The following SEMA5B variants were observed in gnomAD, a reference collection of about 807,000 sequenced individuals.
SEMA5B encodes the protein semaphorin-5B.
A neutral mutation model predicts 135.0 loss-of-function variants in SEMA5B; 66 were observed. That is an observed-to-expected ratio of 0.49 (90% CI 0.40 to 0.60). The LOEUF is 0.60. Ranked by LOEUF, SEMA5B falls within the 20% of genes least tolerant of loss-of-function variation. The pLI is 0.00. For missense variants in SEMA5B, 1,501 were observed against 1,566.3 expected (o/e 0.96, Z 0.70); for synonymous variants, 690 against 639.5 (o/e 1.08, Z -1.19).
chr3:122,923,815 C>A, intron 9 of SEMA5B, 63 bp from the exon 10 acceptor site: 3 of 1,586,782 alleles, frequency 1.9e-6, no homozygotes, highest in Non-Finnish European at 2.6e-6. Flanking sequence ...TCCTCATAAA[C>A]CCCACAGCCA....
Position 122,921,953 on chromosome 3 carries a change from C to G in SEMA5B, c.1650G>C (p.Arg550=). 6.5e-7 allele frequency: 1 copy of G among 1,535,768 alleles called. No homozygotes were observed. The change falls in exon 12 of 23, where the codon CGG becomes CGC. Residue 550 remains arginine (R), a synonymous_variant. Coordinates refer to ENST00000357599, the MANE Select transcript of SEMA5B (RefSeq NM_001031702.4). ...LFVGLRDGVL[R]VPLERCAAYR... ...AGGCGGCGCACCTCTCCAGTGGGAC[C>G]CGCAGGACGCCGTCTCTCAGCCCCA...
intron 2 of SEMA5B, among the ~76,000 whole-genome samples, chr3:122,957,819 C>T (rs1377061604): frequency 6.6e-6 from 1 of 152,228 alleles, no homozygotes; most frequent in East Asian, 1.9e-4. Context: ...TGGGCTGCTA[C>T]ACTCACCATC....
chr3:122,936,138 T>C (rs1939275812), intron 5 of SEMA5B, among the ~76,000 whole-genome samples: 1 of 152,220 alleles, frequency 6.6e-6, no homozygotes, highest in African/African-American at 2.4e-5. Context: ...GAGACGTGTC[T>C]GATCAATCTG....
chr3:122,949,695 G>A (rs970637815), intron 2 of SEMA5B, among the ~76,000 whole-genome samples: 5 of 152,172 alleles, frequency 3.3e-5, no homozygotes, highest in African/African-American at 9.7e-5. Context: ...TAACATTATT[G>A]TAAAACCTCA....
chr3:122,947,558 T>A lies in SEMA5B; in HGVS notation c.328+948A>T, dbSNP rs951608281. Among the ~76,000 whole-genome samples the A allele has an allele frequency of 3.3e-5, 5 of 152,222 alleles. No homozygotes were observed. In the East Asian group the frequency reaches 9.6e-4, roughly 29 times the overall value. On this transcript the variant is annotated intron_variant, in intron 3 of 22. Transcript: ENST00000357599. ...CATAGAGCAACGGATCGCTCTGCAG[T>A]GGGCAGTGGACAGAGCACTGCACGT...
At chr3:122,913,477 CT>C in intron 16 of SEMA5B, 53 bp from the exon 17 acceptor site, 1 of 1,569,988 alleles carries the variant, frequency 6.4e-7, no homozygotes. Flanking sequence ...CAGGCCCGCC[CT>C]CCCCTCGGCT....
rs1426757837 is a variant in SEMA5B, at chr3:123,006,098, G to GCACTGTCCACTCATGAAGGGT, written c.-39+21345_-39+21365dup. ...GTGACTGTGCTCTGTCAACCTAAAA[G>GCACTGTCCACTCATGAAGGGT]CACTGTCCACTCATGAAGGGTCACT... is the stretch of plus-strand genomic sequence containing the variant. On this transcript the variant is annotated intron_variant, in intron 1 of 22. Coordinates refer to ENST00000357599, the MANE Select transcript of SEMA5B (RefSeq NM_001031702.4). Among the ~76,000 whole-genome samples the GCACTGTCCACTCATGAAGGGT allele has an allele frequency of 3.9e-5, 6 of 152,310 alleles. No individual in the cohort carries two copies. The East Asian group carries it at 1.2e-3, about 29-fold the overall frequency.
intron 1 of SEMA5B, among the ~76,000 whole-genome samples, chr3:123,016,268 A>G (rs1942553508): frequency 6.6e-6 from 1 of 152,218 alleles, no homozygotes; most frequent in Non-Finnish European, 1.5e-5. Flanking sequence ...AGTATTCTGT[A>G]GGAAAGGCAA....
At chr3:122,934,225 A>T (rs1414025051) in intron 5 of SEMA5B, among the ~76,000 whole-genome samples, 4 of 149,980 alleles carry the variant, frequency 2.7e-5, no homozygotes, top group Non-Finnish European at 4.5e-5. Context: ...TTGTTTTTAT[A>T]GAAGTAGCCC....
At chr3:123,026,239 C>G (rs1203534831) in intron 1 of SEMA5B, among the ~76,000 whole-genome samples, 3 of 152,206 alleles carry the variant, frequency 2.0e-5, no homozygotes, top group Non-Finnish European at 4.4e-5. Context: ...CCCTCAGTCC[C>G]AATTCCGTTG....
chr3:122,917,828 G>A (rs1938148858), intron 12 of SEMA5B, among the ~76,000 whole-genome samples: 1 of 145,232 alleles, frequency 6.9e-6, no homozygotes, highest in South Asian at 2.1e-4. Context: ...TTTTCCTCTG[G>A]GATCAATGGT....
chr3:123,003,912 A>G (rs1385840101), intron 1 of SEMA5B, among the ~76,000 whole-genome samples: 1 of 152,234 alleles, frequency 6.6e-6, no homozygotes, highest in Non-Finnish European at 1.5e-5. Flanking sequence ...AAGAACAATC[A>G]GGGCAGCCTT....
intron 1 of SEMA5B, among the ~76,000 whole-genome samples, chr3:122,983,103 C>T (rs948589985): frequency 2.6e-5 from 4 of 152,192 alleles, no homozygotes; most frequent in Non-Finnish European, 4.4e-5. Context: ...CCCAACCCCA[C>T]CTGCAGCACT....
chr3:122,935,291 T>TA (rs1340889299), intron 5 of SEMA5B, among the ~76,000 whole-genome samples: 1 of 151,976 alleles, frequency 6.6e-6, no homozygotes, highest in Non-Finnish European at 1.5e-5. Context: ...AAGACTCCCT[T>TA]AGTCTCCTGC....
intron 12 of SEMA5B, among the ~76,000 whole-genome samples, chr3:122,916,631 C>A (rs905410266): frequency 7.2e-5 from 11 of 152,144 alleles, no homozygotes; most frequent in African/African-American, 2.7e-4. Flanking sequence ...ACGCTTTTCC[C>A]CTCACACTTC....
intron 1 of SEMA5B, 123 bp from the exon 2 acceptor site, chr3:122,961,424 G>T: frequency 2.2e-6 from 2 of 907,474 alleles, no homozygotes; most frequent in Non-Finnish European, 3.3e-6. Flanking sequence ...GTTTCTTGGT[G>T]CTGCTTTAAC....
chr3:122,951,081 G>A (rs1487943634), intron 2 of SEMA5B, among the ~76,000 whole-genome samples: 1 of 152,166 alleles, frequency 6.6e-6, no homozygotes, highest in Non-Finnish European at 1.5e-5. Flanking sequence ...CCACAGGCAT[G>A]CACCATCATG....
At chr3:122,924,143 A>G (rs1243274247) in intron 9 of SEMA5B, among the ~76,000 whole-genome samples, 2 of 152,214 alleles carry the variant, frequency 1.3e-5, no homozygotes, top group African/African-American at 4.8e-5. Flanking sequence ...AAATATGTTA[A>G]CACTCTGATA....
In SEMA5B at chr3:122,911,313, C is replaced by T. The variant is rs1293383512; in HGVS notation, c.3091+178G>A. 4 of 1,510,484 alleles carry T rather than the reference C, an allele frequency of 2.6e-6. No homozygotes were observed. The African/African-American group carries it at 5.5e-5, about 21-fold the overall frequency. 93.6% of individuals were successfully genotyped at this position (1,510,484 alleles called of 1,614,324 possible). A position where few individuals can be genotyped will look rare whatever the true frequency, so the allele number is the denominator to read the frequency against. Reference sequence around the variant, plus strand: ...TTGGGTACAGACTGATGATGGCCTCCTAGCTGGGGGGGGCATGGAGGGAAC... The same window carrying T: ...TTGGGTACAGACTGATGATGGCCTCTTAGCTGGGGGGGGCATGGAGGGAAC... On this transcript the variant is annotated intron_variant, in intron 21 of 22. Coordinates refer to ENST00000357599, the MANE Select transcript of SEMA5B (RefSeq NM_001031702.4).
Sources: gnomAD v4.1 joint callset for allele counts (sites outside exome capture counted in the v4.1 genomes callset) on GRCh38, gnomAD v4.1.1 for gene constraint, MANE v1.5 for transcripts, NCBI Gene and HGNC (gene_info 2026-07-23, HGNC 2026-07-21) for gene names.